COX7B2: variants seen among roughly 807,000 people sequenced by gnomAD.
COX7B2 encodes the protein cytochrome c oxidase subunit 7B2, mitochondrial.
For missense variants in COX7B2, 109 were observed against 95.9 expected, an observed-to-expected ratio of 1.14 and a Z score of -0.57; for synonymous variants, 37 against 32.1, an observed-to-expected ratio of 1.15 and a Z score of -0.51.
chr4:46,800,466 C>T (rs1718597332), intron 2 of COX7B2, among the ~76,000 whole-genome samples: 1 of 152,038 alleles, frequency 6.6e-6, no homozygotes, highest in African/African-American at 2.4e-5. Flanking sequence ...AACACACCAT[C>T]TGATCATCAA....
At chr4:46,808,632 A>C (rs2109653869) in intron 2 of COX7B2, among the ~76,000 whole-genome samples, 1 of 151,942 alleles carries the variant, frequency 6.6e-6, no homozygotes, top group South Asian at 2.1e-4. Flanking sequence ...TCAATGGAAA[A>C]ACTTTCAGTT....
At chr4:46,879,714 C>G (rs537158174) in intron 1 of COX7B2, among the ~76,000 whole-genome samples, 1 of 147,060 alleles carries the variant, frequency 6.8e-6, no homozygotes, top group Admixed American at 7.1e-5. Context: ...TCAAAGAAAA[C>G]GAAGACCTCA....
intron 2 of COX7B2, among the ~76,000 whole-genome samples, chr4:46,785,876 A>G (rs1171870401): frequency 6.6e-6 from 1 of 151,936 alleles, no homozygotes; most frequent in Admixed American, 6.6e-5. Context: ...TCTTATGGGG[A>G]AAAAAAGGGG....
chr4:46,756,957 A>T (rs979112067), intron 2 of COX7B2, among the ~76,000 whole-genome samples: 1 of 152,066 alleles, frequency 6.6e-6, no homozygotes, highest in Non-Finnish European at 1.5e-5. Flanking sequence ...AGGAAAAGAA[A>T]TCATTATATT....
chr4:46,791,599 G>C (rs767150384), intron 2 of COX7B2, among the ~76,000 whole-genome samples: 2 of 152,106 alleles, frequency 1.3e-5, no homozygotes, highest in African/African-American at 2.4e-5. Context: ...TAAAGTGTTG[G>C]GCAGCTATTT....
intron 1 of COX7B2, among the ~76,000 whole-genome samples, chr4:46,880,174 C>G (rs1439372447): frequency 6.6e-6 from 1 of 152,052 alleles, no homozygotes; most frequent in Non-Finnish European, 1.5e-5. Flanking sequence ...ATTCGGTTTA[C>G]AAGTTATTTT....
chr4:46,799,612 A>C (rs1009578369), intron 2 of COX7B2, among the ~76,000 whole-genome samples: 1 of 152,154 alleles, frequency 6.6e-6, no homozygotes, highest in African/African-American at 2.4e-5. Flanking sequence ...TATGGAGATA[A>C]TTAGATGGTT....
intron 2 of COX7B2, among the ~76,000 whole-genome samples, chr4:46,836,349 A>G (rs1033516611): frequency 6.6e-6 from 1 of 151,706 alleles, no homozygotes; most frequent in African/African-American, 2.4e-5. Context: ...TCTCTATTTA[A>G]AAAATTTTTT....
intron 2 of COX7B2, among the ~76,000 whole-genome samples, chr4:46,753,454 A>C (rs955587459): frequency 4.6e-5 from 7 of 151,880 alleles, no homozygotes; most frequent in South Asian, 2.1e-4. Context: ...CAAAAACAAG[A>C]AATGGGGAAA....
chr4:46,882,595 C>T (rs1198713876), intron 1 of COX7B2, among the ~76,000 whole-genome samples: 1 of 152,036 alleles, frequency 6.6e-6, no homozygotes, highest in Non-Finnish European at 1.5e-5. Context: ...TCTGGTTTGT[C>T]CAAAGTTAGG....
At chr4:46,765,254 A>T (rs531166199) in intron 2 of COX7B2, among the ~76,000 whole-genome samples, 2 of 152,178 alleles carry the variant, frequency 1.3e-5, no homozygotes, top group African/African-American at 4.8e-5. Flanking sequence ...AGTAGGAAAA[A>T]CAGTTTCACA....
intron 2 of COX7B2, among the ~76,000 whole-genome samples, chr4:46,783,032 T>A (rs1717566019): frequency 6.6e-6 from 1 of 152,216 alleles, no homozygotes; most frequent in African/African-American, 2.4e-5. Context: ...TAATTCTAAG[T>A]GATAACCTGA....
chr4:46,751,686 A>ATAT (rs1487671721), intron 2 of COX7B2, among the ~76,000 whole-genome samples: 2 of 151,934 alleles, frequency 1.3e-5, no homozygotes, highest in African/African-American at 2.4e-5. Context: ...AAGTGATTTT[A>ATAT]TATTAGGTGG....
At chr4:46,896,733 A>G (rs1719785992) in intron 1 of COX7B2, among the ~76,000 whole-genome samples, 1 of 152,126 alleles carries the variant, frequency 6.6e-6, no homozygotes, top group Admixed American at 6.5e-5. Flanking sequence ...TGAATATTGT[A>G]TTTTTTGCCA....
intron 2 of COX7B2, among the ~76,000 whole-genome samples, chr4:46,828,872 TAA>T (rs1164220861): frequency 2.6e-5 from 4 of 152,126 alleles, no homozygotes; most frequent in Admixed American, 6.5e-5. Flanking sequence ...CAGAAAAATA[TAA>T]GAGAGCCCTT....
intron 2 of COX7B2, among the ~76,000 whole-genome samples, chr4:46,823,243 A>G (rs1714432178): frequency 6.6e-6 from 1 of 152,058 alleles, no homozygotes; most frequent in Non-Finnish European, 1.5e-5. Flanking sequence ...TTTATCTTAT[A>G]CAATAAAAGC....
At position 46,821,446 on chromosome 4, in the gene COX7B2, C is replaced by T. The variant is rs112672886; in HGVS notation, c.-50+23514G>A. 9.9e-5 allele frequency among the ~76,000 whole-genome samples: 15 copies of T among 152,248 alleles called. 2 individuals are homozygous for T. Among genetic ancestry groups the T allele is most frequent in the African/African-American group, 3.6e-4 (15 of 41,548 alleles). On this transcript the variant is annotated intron_variant, in intron 2 of 2. Coordinates refer to ENST00000355591, the MANE Select transcript of COX7B2 (RefSeq NM_130902.3). ...TGAACTGACATAAATTAGTACACAA[C>T]ACAATAAGCAAAGAATGTTTAATCC... is the stretch of plus-strand genomic sequence containing the variant.
At chr4:46,901,678 G>C (rs1190814636) in intron 1 of COX7B2, among the ~76,000 whole-genome samples, 1 of 152,192 alleles carries the variant, frequency 6.6e-6, no homozygotes, top group African/African-American at 2.4e-5. Flanking sequence ...CACTAATGCG[G>C]ACTTACGTCA....
intron 2 of COX7B2, among the ~76,000 whole-genome samples, chr4:46,786,330 AT>A (rs1380277092): frequency 6.6e-6 from 1 of 152,222 alleles, no homozygotes; most frequent in African/African-American, 2.4e-5. Context: ...CATGTGAAAC[AT>A]ACTTTATCTG....
Sources: allele counts gnomAD v4.1 joint callset (sites outside exome capture counted in the v4.1 genomes callset), GRCh38; gene constraint gnomAD v4.1.1; transcripts MANE v1.5; gene names NCBI Gene and HGNC (gene_info 2026-07-23, HGNC 2026-07-21).